MMP26: variants seen among roughly 807,000 people sequenced by gnomAD.
MMP26 encodes the protein matrix metallopeptidase 26, also known as matrix metalloproteinase-26.
In MMP26, 33 loss-of-function variants were observed where a neutral mutation model predicts 31.0. The observed-to-expected ratio is 1.06, with a 90% CI of 0.81 to 1.42. The LOEUF (loss-of-function observed/expected upper bound fraction) is 1.42, where lower values mean the gene tolerates loss of function less well. Among genes scored for constraint, MMP26 ranks in the 40% most tolerant of loss-of-function variants. MMP26 has a pLI of 0.00. For missense variants in MMP26, 347 were observed against 316.1 expected, an observed-to-expected ratio of 1.10 and a Z score of -0.74; for synonymous variants, 122 against 114.9, an observed-to-expected ratio of 1.06 and a Z score of -0.40.
chr11:4,963,367 A>G (rs964853664), intron 2 of MMP26, among the ~76,000 whole-genome samples: 5 of 152,226 alleles, frequency 3.3e-5, no homozygotes, highest in African/African-American at 1.2e-4. Flanking sequence ...CTTTCTTCAC[A>G]GAGTTAGAAA....
intron 2 of MMP26, chr11:4,923,861 G>A (rs765635605): frequency 6.2e-7 from 1 of 1,614,012 alleles, no homozygotes. Flanking sequence ...GAATGGCAAG[G>A]GGAGGATGAG....
chr11:4,728,034 A>C (rs1848126207), intron 1 of MMP26, among the ~76,000 whole-genome samples: 1 of 152,248 alleles, frequency 6.6e-6, no homozygotes, highest in Non-Finnish European at 1.5e-5. Flanking sequence ...TAAAATTTTA[A>C]AAACAAGGTA....
chr11:4,714,354 T>G (rs1274554479), intron 1 of MMP26, among the ~76,000 whole-genome samples: 1 of 152,196 alleles, frequency 6.6e-6, no homozygotes, highest in Admixed American at 6.5e-5. Context: ...AGGTTGTTAA[T>G]GTGTCCATGC....
chr11:4,808,407 C>T lies in MMP26; in HGVS notation c.-145+41066C>T, dbSNP rs183743048. Among the ~76,000 whole-genome samples, 80 of 152,168 alleles carry T rather than the reference C, an allele frequency of 5.3e-4. 2 individuals carry two copies. In the East Asian group the frequency reaches 0.013, roughly 25 times the overall value. On this transcript the variant is annotated intron_variant, in intron 2 of 7. Coordinates refer to ENST00000380390, the MANE Select transcript of MMP26 (RefSeq NM_021801.5). ...GAAGATCTGAACTTGGACCCAGGAT[C>T]CCTGCTACTTCACTGGACTGGAGCC...
In MMP26 at chr11:4,942,089, C is replaced by CAAAAAAAAAAAAAAAAAAAAAAAAAAA. The variant is rs201626472; in HGVS notation, c.-144-45958_-144-45957insAAAAAAAAAAAAAAAAAAAAAAAAAAA. 3.6e-3 allele frequency among the ~76,000 whole-genome samples: 134 copies of CAAAAAAAAAAAAAAAAAAAAAAAAAAA among 37,104 alleles called. 10 individuals carry two copies. Among genetic ancestry groups the CAAAAAAAAAAAAAAAAAAAAAAAAAAA allele is most frequent in the Non-Finnish European group, 5.0e-3 (96 of 19,126 alleles). The allele number at this position is 37,104 out of a possible 152,430, so 24.3% of individuals were successfully genotyped here. A position where few individuals can be genotyped will look rare whatever the true frequency, so the allele number is the denominator to read the frequency against. On this transcript the variant is annotated intron_variant, in intron 2 of 7. Transcript: ENST00000380390. ...TGGGCAGCAGAATGAGAGTCCATCT[C>CAAAAAAAAAAAAAAAAAAAAAAAAAAA]AAAAAAAAAAAAAAAAAAAAAGGAA...
intron 2 of MMP26, chr11:4,804,727 T>A: frequency 2.4e-5 from 9 of 382,976 alleles, no homozygotes; most frequent in Non-Finnish European, 4.6e-5. Flanking sequence ...GGCAGATTGC[T>A]TGAGGTCAGG....
At chr11:4,746,852 C>T (rs1848387758) in intron 1 of MMP26, among the ~76,000 whole-genome samples, 1 of 150,706 alleles carries the variant, frequency 6.6e-6, no homozygotes, top group African/African-American at 2.4e-5. Flanking sequence ...CACACACACA[C>T]ACACACACAC....
chr11:4,737,414 T>C (rs913287939), intron 1 of MMP26, among the ~76,000 whole-genome samples: 44 of 152,004 alleles, frequency 2.9e-4, no homozygotes, highest in Non-Finnish European at 2.4e-4. Context: ...GAGGCCGAGG[T>C]GGGTGGATCA....
At chr11:4,942,116 TA>T (rs765396263) in intron 2 of MMP26, among the ~76,000 whole-genome samples, 1 of 75,088 alleles carries the variant, frequency 1.3e-5, no homozygotes, top group African/African-American at 4.7e-5. Context: ...AAAAAGGAAG[TA>T]AAACCCTACT....
intron 1 of MMP26, among the ~76,000 whole-genome samples, chr11:4,713,196 G>A (rs546541504): frequency 2.6e-5 from 4 of 152,156 alleles, no homozygotes; most frequent in East Asian, 1.9e-4. Context: ...GCTGCTTCAC[G>A]TGGAGCTGTA....
intron 2 of MMP26, chr11:4,924,242 A>G: frequency 1.2e-6 from 2 of 1,614,234 alleles, no homozygotes; most frequent in Non-Finnish European, 1.7e-6. Context: ...GATGAAGCAG[A>G]AGGGAATAGA....
intron 2 of MMP26, chr11:4,908,297 T>A: frequency 6.2e-7 from 1 of 1,613,764 alleles, no homozygotes; most frequent in Non-Finnish European, 8.5e-7. Flanking sequence ...GCTTAATGTA[T>A]GTGGGAGATA....
chr11:4,789,002 T>C (rs1038867607), intron 2 of MMP26, among the ~76,000 whole-genome samples: 2 of 152,220 alleles, frequency 1.3e-5, no homozygotes, highest in African/African-American at 4.8e-5. Context: ...AATAAGAGCC[T>C]GATTCTCTCT....
intron 2 of MMP26, among the ~76,000 whole-genome samples, chr11:4,840,888 G>T (rs1849784135): frequency 6.6e-6 from 1 of 152,182 alleles, no homozygotes; most frequent in Non-Finnish European, 1.5e-5. Context: ...TACCTGTGTT[G>T]AGGAAACTCA....
At chr11:4,848,169 G>A in intron 2 of MMP26, 1 of 1,483,412 alleles carries the variant, frequency 6.7e-7, no homozygotes, top group Non-Finnish European at 9.1e-7. Context: ...CATGCTTGGT[G>A]AGCTGAGTTC....
intron 2 of MMP26, among the ~76,000 whole-genome samples, chr11:4,931,072 C>T (rs2133590621): frequency 6.6e-6 from 1 of 151,628 alleles, no homozygotes; most frequent in African/African-American, 2.4e-5. Flanking sequence ...TGTATATTTG[C>T]AAGAGAGGAA....
chr11:4,742,260 A>T (rs149954855), intron 1 of MMP26, among the ~76,000 whole-genome samples: 1 of 152,364 alleles, frequency 6.6e-6, no homozygotes, highest in Non-Finnish European at 1.5e-5. Flanking sequence ...TGAGTAGTTG[A>T]CTAGAGGACA....
intron 2 of MMP26, among the ~76,000 whole-genome samples, chr11:4,960,259 G>A (rs1353208647): frequency 1.3e-5 from 2 of 151,950 alleles, no homozygotes; most frequent in South Asian, 2.1e-4. Context: ...CTACATTCAC[G>A]TTTTTGGATA....
Position 4,992,021 on chromosome 11 carries a change from A to C in MMP26, c.653A>C (p.His218Pro). 6.2e-7 allele frequency: 1 copy of C among 1,613,386 alleles called. No individual in the cohort carries two copies. Among genetic ancestry groups the C allele is most frequent in the African/African-American group, 1.3e-5 (1 of 74,744 alleles). ...ATTGGGCATTCTTTGGGCCTGCAGC[A>C]CTCTGGGAATCAGAGCTCCATAATG... ...HEIGHSLGLQHSGNQSSIMYP... is the reference protein window; with the variant it reads ...HEIGHSLGLQPSGNQSSIMYP... Residue 218 changes from histidine (H) to proline (P), a missense_variant, in exon 7 of 8, where the codon CAC (histidine) becomes CCC (proline). Physicochemically the swap from His to Pro is moderately conservative, Grantham distance 77. Transcript: ENST00000380390.
Sources: gnomAD v4.1 joint callset for allele counts (sites outside exome capture counted in the v4.1 genomes callset) on GRCh38, gnomAD v4.1.1 for gene constraint, MANE v1.5 for transcripts, NCBI Gene and HGNC (gene_info 2026-07-23, HGNC 2026-07-21) for gene names.